Variants in FRS2 observed in about 807,000 individuals in gnomAD.
The protein encoded by FRS2 is FGFR signalling adaptor.
FRS2 carries 8 observed loss-of-function variants against 43.9 expected under a neutral mutation model. The ratio of observed to expected loss-of-function variants is 0.18; its 90% confidence interval spans 0.11 to 0.33. The LOEUF (loss-of-function observed/expected upper bound fraction) is 0.33, where lower values mean the gene tolerates loss of function less well. Ranked by LOEUF, FRS2 falls within the 10% of genes least tolerant of loss-of-function variation. The probability of loss-of-function intolerance (pLI) is 1.00; values close to 1 mark genes in which losing one functional copy is unlikely to be tolerated. For missense variants in FRS2, 534 were observed against 627.6 expected (o/e 0.85, Z 1.59); for synonymous variants, 219 against 220.3 (o/e 0.99, Z 0.05).
chr12:69,515,086 G>A (rs1405299515), intron 1 of FRS2, among the ~76,000 whole-genome samples: 1 of 152,200 alleles, frequency 6.6e-6, no homozygotes, highest in Non-Finnish European at 1.5e-5. Context: ...TAGACCAAGA[G>A]CAGGTAACCT....
At chr12:69,531,077 C>T (rs1346998510) in intron 2 of FRS2, 117 bp downstream of exon 2, 1 of 151,756 alleles carries the variant, frequency 6.6e-6, no homozygotes, top group East Asian at 1.9e-4. Context: ...TACCTGTACT[C>T]CCAACACTTT....
chr12:69,515,471 T>C (rs1592969693), intron 1 of FRS2, among the ~76,000 whole-genome samples: 1 of 152,270 alleles, frequency 6.6e-6, no homozygotes, highest in Non-Finnish European at 1.5e-5. Context: ...TGCTTAGAAA[T>C]GAGTTACTGA....
At position 69,574,017 on chromosome 12, in the gene FRS2, G is replaced by A. The variant is rs1880980731; in HGVS notation, c.589G>A (p.Val197Ile). 5.6e-6 allele frequency: 9 copies of A among 1,606,154 alleles called. No individual in the cohort carries two copies. The highest frequency in any genetic ancestry group is 6.8e-6 in the Non-Finnish European group (8 of 1,176,820). The change falls in exon 9 of 9, where the codon GTC becomes ATC. Residue 197 changes from valine (V) to isoleucine (I), a missense_variant. Around this residue, in one of 3 missense-constraint regions of FRS2, gnomAD observed 446 missense variants for 494.2 expected, o/e 0.90. Transcript: ENST00000549921. ...LVAEEQVHTY[V>I]NTTGVQEERK... ...TGTTTTGTTTTAGGTACATACCTAT[G>A]TCAACACTACAGGTGTGCAAGAAGA...
intron 1 of FRS2, among the ~76,000 whole-genome samples, chr12:69,508,924 G>A (rs1341656372): frequency 6.6e-6 from 1 of 152,124 alleles, no homozygotes; most frequent in African/African-American, 2.4e-5. Context: ...TTTGGGGGTA[G>A]TTTAGTGTTT....
intron 3 of FRS2, among the ~76,000 whole-genome samples, chr12:69,550,487 T>TG (rs1419789347): frequency 6.6e-6 from 1 of 152,240 alleles, no homozygotes; most frequent in Admixed American, 6.5e-5. Flanking sequence ...GTGTCTTACA[T>TG]ATTTTAACTA....
At chr12:69,489,095 C>T (rs1191154752) in intron 1 of FRS2, among the ~76,000 whole-genome samples, 1 of 152,100 alleles carries the variant, frequency 6.6e-6, no homozygotes. Flanking sequence ...GTAACCTTCC[C>T]AAGGTCAGGC....
intron 3 of FRS2, among the ~76,000 whole-genome samples, chr12:69,541,803 C>T (rs1374309771): frequency 8.1e-6 from 1 of 124,142 alleles, no homozygotes; most frequent in Non-Finnish European, 1.6e-5. Context: ...CCAACCTGGG[C>T]GACAGGGTGA....
intron 1 of FRS2, among the ~76,000 whole-genome samples, chr12:69,522,516 C>CT (rs1457978446): frequency 2.0e-5 from 3 of 151,842 alleles, no homozygotes. Context: ...AGCTAGCAGT[C>CT]TATCTATTAA....
chr12:69,502,034 C>T (rs955093098), intron 1 of FRS2, among the ~76,000 whole-genome samples: 1 of 151,808 alleles, frequency 6.6e-6, no homozygotes, highest in Non-Finnish European at 1.5e-5. Context: ...GGTATGATCT[C>T]GGCTCACTGA....
intron 1 of FRS2, among the ~76,000 whole-genome samples, chr12:69,490,483 TTCTTC>T (rs1291416440): frequency 1.3e-5 from 2 of 151,830 alleles, no homozygotes; most frequent in African/African-American, 2.4e-5. Flanking sequence ...TTTGTCCTCC[TTCTTC>T]TCTTGTTTTT....
chr12:69,572,145 C>G lies in FRS2; in HGVS notation c.440C>G (p.Pro147Arg). ...TTPGFAAQNL[P>R]NGYPRYPSFG... The stretch of plus-strand genomic sequence containing the variant: ...CCAGGATTTGCTGCTCAGAACTTAC[C>G]TAATGGATATCCCCGATATCCCTCA... The change falls in exon 8 of 9, where the codon CCT becomes CGT. Residue 147 changes from proline to arginine, a missense_variant. Physicochemically the swap from Pro to Arg is moderately radical, Grantham distance 103 (BLOSUM62 -2). This residue lies in a region of FRS2 where 446 missense variants were observed against 494.2 expected (regional missense o/e 0.90). Coordinates refer to ENST00000549921, the MANE Select transcript of FRS2 (RefSeq NM_001278356.2). 1 of 1,613,736 alleles carries G rather than the reference C, an allele frequency of 6.2e-7. No homozygotes were observed. Among genetic ancestry groups the G allele is most frequent in the Non-Finnish European group, 8.5e-7 (1 of 1,179,748 alleles).
intron 1 of FRS2, among the ~76,000 whole-genome samples, chr12:69,526,360 T>C (rs927262166): frequency 2.0e-5 from 3 of 152,240 alleles, no homozygotes; most frequent in Non-Finnish European, 4.4e-5. Context: ...TTGATTTTCA[T>C]TTGAAAATAC....
chr12:69,473,040 A>G (rs1870449737), intron 1 of FRS2, among the ~76,000 whole-genome samples: 1 of 152,262 alleles, frequency 6.6e-6, no homozygotes, highest in Non-Finnish European at 1.5e-5. Flanking sequence ...GGAGTAAATT[A>G]TACAAAAGAA....
rs534046211 is a variant in FRS2, at chr12:69,553,140, C to T, written c.-121-9040C>T. ...AGGCTGGAGTGCAGTGGCACAATCT[C>T]GGCTCACTGCAACCTCCGCCTCCCA... On this transcript the variant is annotated intron_variant, in intron 3 of 8. Transcript: ENST00000549921. 2.3e-3 allele frequency among the ~76,000 whole-genome samples: 357 copies of T among 152,200 alleles called. 3 individuals carry two copies. Among genetic ancestry groups the T allele is most frequent in the African/African-American group, 7.8e-3 (325 of 41,536 alleles).
chr12:69,499,101 C>T (rs540596347), intron 1 of FRS2, among the ~76,000 whole-genome samples: 4 of 152,032 alleles, frequency 2.6e-5, no homozygotes, highest in Non-Finnish European at 5.9e-5. Context: ...AGAATTGGGG[C>T]TAGATAAGTG....
chr12:69,572,378 C>CT (rs759441652), intron 8 of FRS2, 97 bp downstream of exon 8: 1 of 949,178 alleles, frequency 1.1e-6, no homozygotes, highest in Non-Finnish European at 1.6e-6. Flanking sequence ...TGAAGTTTAA[C>CT]TTTATCTGTT....
intron 1 of FRS2, among the ~76,000 whole-genome samples, chr12:69,511,802 T>G (rs1290838783): frequency 6.6e-6 from 1 of 152,254 alleles, no homozygotes; most frequent in Non-Finnish European, 1.5e-5. Context: ...TTAGTAGTTA[T>G]GAAGTTTGTT....
intron 3 of FRS2, among the ~76,000 whole-genome samples, chr12:69,539,903 C>T (rs1877713845): frequency 1.3e-5 from 2 of 151,848 alleles, no homozygotes; most frequent in Non-Finnish European, 2.9e-5. Flanking sequence ...TGCAGTGAGC[C>T]GAGATTGTGC....
intron 1 of FRS2, among the ~76,000 whole-genome samples, chr12:69,497,353 C>T (rs1014721593): frequency 1.3e-5 from 2 of 152,142 alleles, no homozygotes; most frequent in Admixed American, 1.3e-4. Flanking sequence ...AGATTTCTTT[C>T]TCATAGTTCT....
Sources: allele counts gnomAD v4.1 joint callset (sites outside exome capture counted in the v4.1 genomes callset), GRCh38; gene constraint gnomAD v4.1.1; regional missense constraint gnomAD v4.1.1; transcripts MANE v1.5; gene names NCBI Gene and HGNC (gene_info 2026-07-23, HGNC 2026-07-21).